CFAP46: variants seen among roughly 807,000 people sequenced by gnomAD.
CFAP46 encodes the protein cilia- and flagella-associated protein 46.
A neutral mutation model predicts 325.7 loss-of-function variants in CFAP46; 245 were observed. That is an observed-to-expected ratio of 0.75 (90% confidence interval 0.68 to 0.84). CFAP46 has a LOEUF of 0.84. CFAP46 is among the 40% of genes least tolerant of loss of function. The pLI is 0.00. For synonymous variants in CFAP46, 1,523 were observed against 1,495.9 expected, an observed-to-expected ratio of 1.02 and a Z score of -0.42; for missense variants, 3,346 against 3,543.0, an observed-to-expected ratio of 0.94 and a Z score of 1.41.
At position 132,808,515 on chromosome 10, in the gene CFAP46, C is replaced by G. The variant is rs150906559; in HGVS notation, c.8054G>C (p.Arg2685Pro). 1.9e-6 allele frequency: 3 copies of G among 1,613,042 alleles called. No homozygotes were observed. The African/African-American group carries it at 4.0e-5, about 22-fold the overall frequency. Residue 2685 changes from arginine (R) to proline (P), a missense_variant, in exon 58 of 58, where the codon CGG becomes CCG. Transcript: ENST00000368586. This position sits in a 1 kb window ranked among gnomAD's most constrained non-coding sequence, Gnocchi z 6.8. ...GGGGAGGCCGCCCTTGTCCTGGCCC[C>G]GGGAAGAGACGCAGCTCCAGCCCCG... ...LRRGWSCVSS[R>P]GQDKGGLPLA...
Position 132,938,645 on chromosome 10 carries a change from T to G in CFAP46, c.480A>C (p.Ile160=). The G allele has an allele frequency of 6.2e-7, 1 of 1,613,716 alleles. No individual in the cohort carries two copies. Among genetic ancestry groups the G allele is most frequent in the African/African-American group, 1.3e-5 (1 of 75,042 alleles). ...CCTCCTCAGTCTGACTCAGCACGTT[T>G]ATGATTTGGGAAAGGCTGGGGATCA... ...HHLIPSLSQI[I]NVLSQTEEED... is the part of the protein sequence containing the mutation. Residue 160 remains isoleucine (I), a synonymous_variant, in exon 5 of 58, where the codon ATA becomes ATC. Coordinates refer to ENST00000368586, the MANE Select transcript of CFAP46 (RefSeq NM_001200049.3).
At chr10:132,935,291 G>C (rs12218167) in intron 7 of CFAP46, among the ~76,000 whole-genome samples, 8,634 of 104,490 alleles carry the variant, frequency 0.083, 324 homozygotes, top group Middle Eastern at 0.14. Flanking sequence ...TCACTCCCCT[G>C]AGCACCCAAA....
intron 24 of CFAP46, among the ~76,000 whole-genome samples, chr10:132,895,250 CA>C (rs1366996349): frequency 6.6e-6 from 1 of 152,182 alleles, no homozygotes; most frequent in Non-Finnish European, 1.5e-5. Flanking sequence ...AGGCATTTGG[CA>C]AGACCCACAC....
At chr10:132,932,629 C>A (rs531074181) in intron 8 of CFAP46, among the ~76,000 whole-genome samples, 1 of 148,924 alleles carries the variant, frequency 6.7e-6, no homozygotes, top group Non-Finnish European at 1.5e-5. Flanking sequence ...GGCTTCCCCA[C>A]GCTCCCCACA....
intron 38 of CFAP46, among the ~76,000 whole-genome samples, chr10:132,858,831 G>A (rs1023648429): frequency 2.6e-5 from 4 of 152,164 alleles, no homozygotes; most frequent in Non-Finnish European, 4.4e-5. Context: ...GGCAGCCGCA[G>A]GGCTGGGGCC....
At chr10:132,833,255 G>A in intron 50 of CFAP46, 103 bp downstream of exon 50, 2 of 1,163,822 alleles carry the variant, frequency 1.7e-6, no homozygotes, top group South Asian at 3.1e-5. Flanking sequence ...TGCAACATTT[G>A]ATGATTATTT....
At chr10:132,814,777 A>G (rs1262199270) in intron 51 of CFAP46, 31 bp from the exon 52 acceptor site, 6 of 1,613,306 alleles carry the variant, frequency 3.7e-6, no homozygotes, top group Non-Finnish European at 5.1e-6. Context: ...CAGCAGGTGC[A>G]GGGGCCAGGA....
At chr10:132,934,479 A>C (rs186369036) in intron 8 of CFAP46, among the ~76,000 whole-genome samples, 8 of 152,348 alleles carry the variant, frequency 5.3e-5, no homozygotes, top group Non-Finnish European at 8.8e-5. Flanking sequence ...CCACGCAGCC[A>C]CCAGAACCGT....
At chr10:132,835,266 G>A in intron 47 of CFAP46, 38 bp downstream of exon 47, 1 of 1,605,044 alleles carries the variant, frequency 6.2e-7, no homozygotes, top group East Asian at 2.2e-5. Flanking sequence ...GGGAGCAGAG[G>A]GTCCCGGCTG....
chr10:132,922,530 A>G lies in CFAP46; in HGVS notation c.1435T>C (p.Tyr479His). ...STRLRLCTTL[Y>H]QAPERAEDKA... ...TCCTCTGCGCGCTCAGGGGCCTGGT[A>G]TAGCGTGGTGCACAGACGCAGCCGG... is the stretch of plus-strand genomic sequence containing the variant. Residue 479 changes from tyrosine (Y) to histidine (H), a missense_variant, in exon 12 of 58, where the codon TAC becomes CAC. Transcript: ENST00000368586. 1 of 1,547,414 alleles carries G rather than the reference A, an allele frequency of 6.5e-7. No individual in the cohort carries two copies. Among genetic ancestry groups the G allele is most frequent in the Non-Finnish European group, 8.7e-7 (1 of 1,146,586 alleles).
rs372142139 is a variant in CFAP46 at position 132,938,549 on chromosome 10, C to A, written c.536+40G>T. On this transcript the variant is annotated intron_variant, in intron 5 of 57. Coordinates refer to ENST00000368586, the MANE Select transcript of CFAP46 (RefSeq NM_001200049.3). ...GGTGGCCTCAGAGCCAGAGGGCGGC[C>A]CACCGGGAGGCCACAGAGGGCACGG... 1.2e-5 allele frequency: 20 copies of A among 1,600,162 alleles called. No individual in the cohort carries two copies. In the African/African-American group the frequency reaches 2.4e-4, roughly 19 times the overall value.
rs1012426559 is a variant in CFAP46, at chr10:132,876,800, A to G, written c.4362+12T>C. On this transcript the variant is annotated intron_variant, in intron 31 of 57. Coordinates refer to ENST00000368586, the MANE Select transcript of CFAP46 (RefSeq NM_001200049.3). This position sits in a 1 kb window ranked among gnomAD's most constrained non-coding sequence, Gnocchi z 4.1. ...GACCAAGGTCTTGAGCCTTTTCTTT[A>G]TGTCAACGTACCGGCTTCTGGATAC... The G allele has an allele frequency of 1.9e-6, 3 of 1,546,212 alleles. No individual in the cohort carries two copies. The highest frequency in any genetic ancestry group is 2.8e-5 in the African/African-American group (2 of 72,702).
intron 50 of CFAP46, among the ~76,000 whole-genome samples, chr10:132,826,596 G>C: frequency 9.0e-6 from 1 of 111,098 alleles, no homozygotes; most frequent in African/African-American, 4.4e-5. Context: ...GGGAGGAGCC[G>C]GAGCCACGGA....
At chr10:132,846,597 C>T (rs540726342) in intron 43 of CFAP46, among the ~76,000 whole-genome samples, 2 of 151,578 alleles carry the variant, frequency 1.3e-5, no homozygotes, top group East Asian at 2.0e-4. Flanking sequence ...GAGGTCCACA[C>T]GGACAGGGAC....
chr10:132,897,091 C>T (rs1031967173), intron 24 of CFAP46, among the ~76,000 whole-genome samples: 3 of 152,168 alleles, frequency 2.0e-5, no homozygotes, highest in Non-Finnish European at 4.4e-5. Flanking sequence ...TTACCTAATA[C>T]CATATGCAAA....
At chr10:132,853,002 A>G (rs1848583957) in intron 39 of CFAP46, among the ~76,000 whole-genome samples, 1 of 152,226 alleles carries the variant, frequency 6.6e-6, no homozygotes, top group Admixed American at 6.5e-5. Flanking sequence ...GTGAATAAAA[A>G]CAGTTTCATT....
In CFAP46 at chr10:132,913,196, C is replaced by CCGAT; in HGVS notation, c.2179_2182dup (p.Gly728AspfsTer46). On this transcript the variant is annotated frameshift_variant, in exon 18 of 58. Transcript: ENST00000368586. LOFTEE classifies it high-confidence loss of function. ...AATCCACGCCTCCTGGATCTCCTGT[C>CCGAT]CGATCTCTGCGGAGCGCAGCCAGTT... 1 of 1,550,480 alleles carries CCGAT rather than the reference C, an allele frequency of 6.4e-7. No homozygotes were observed. Among genetic ancestry groups the CCGAT allele is most frequent in the South Asian group, 1.2e-5 (1 of 84,066 alleles).
At chr10:132,821,227 GTGC>G (rs1398825545) in intron 50 of CFAP46, among the ~76,000 whole-genome samples, 5 of 143,750 alleles carry the variant, frequency 3.5e-5, no homozygotes, top group Admixed American at 6.9e-5. Flanking sequence ...TGCTGTGTGT[GTGC>G]TGATGTGTGC....
Position 132,814,085 on chromosome 10 carries a change from A to G in CFAP46, c.7388+67T>C. 2.4e-6 allele frequency: 3 copies of G among 1,276,592 alleles called. No homozygotes were observed. In the South Asian group the frequency reaches 3.6e-5, roughly 16 times the overall value. 79.1% of individuals were successfully genotyped at this position (1,276,592 alleles called of 1,614,324 possible). ...ACCCAGGGAGCCGGGGGTAGGGGGC[A>G]GTGGCTCCCCGCTGGACCCCCAGAC... On this transcript the variant is annotated intron_variant, in intron 54 of 57. Coordinates refer to ENST00000368586, the MANE Select transcript of CFAP46 (RefSeq NM_001200049.3).
Sources: allele counts gnomAD v4.1 joint callset (sites outside exome capture counted in the v4.1 genomes callset), GRCh38; gene constraint gnomAD v4.1.1; non-coding constraint Gnocchi (gnomAD v3.1); transcripts MANE v1.5; gene names NCBI Gene and HGNC (gene_info 2026-07-23, HGNC 2026-07-21).